Variants in NSF observed in about 807,000 individuals in gnomAD.
NSF encodes vesicle-fusing ATPase.
NSF carries 14 observed loss-of-function variants against 50.3 expected under a neutral mutation model. The observed-to-expected ratio is 0.28, with a 90% CI of 0.18 to 0.44. The LOEUF (loss-of-function observed/expected upper bound fraction) is 0.44, where lower values mean the gene tolerates loss of function less well. Ranked by LOEUF, NSF falls within the 20% of genes least tolerant of loss-of-function variation. NSF has a pLI of 1.00. For synonymous variants in NSF, 109 were observed against 175.7 expected, an observed-to-expected ratio of 0.62 and a Z score of 3.00; for missense variants, 218 against 504.3, an observed-to-expected ratio of 0.43 and a Z score of 5.44.
chr17:46,685,428 G>A (rs888902523), intron 9 of NSF, among the ~76,000 whole-genome samples: 5 of 151,782 alleles, frequency 3.3e-5, no homozygotes, highest in African/African-American at 1.2e-4. Context: ...ACATAATAAA[G>A]AAAAACATCA....
chr17:46,691,848 G>A lies in NSF; in HGVS notation c.946-1055G>A, dbSNP rs1000371301. ...GCTCACTGCAACCTCTGCCTCCTGGGTTCAGGTGATTTTCCTGCCTCAGCC... is the reference window on the plus strand; with the variant it reads ...GCTCACTGCAACCTCTGCCTCCTGGATTCAGGTGATTTTCCTGCCTCAGCC... On this transcript the variant is annotated intron_variant, in intron 9 of 20. Transcript: ENST00000398238. Among the ~76,000 whole-genome samples, 11 of 151,282 alleles carry A rather than the reference G, an allele frequency of 7.3e-5. No individual in the cohort carries two copies. The East Asian group carries it at 1.4e-3, about 19-fold the overall frequency.
In NSF at chr17:46,710,983, A is replaced by G; in HGVS notation, c.1491A>G (p.Glu497=). 2 of 1,593,556 alleles carry G rather than the reference A, an allele frequency of 1.3e-6. No homozygotes were observed. The highest frequency in any genetic ancestry group is 1.7e-6 in the Non-Finnish European group (2 of 1,174,488). ...DIKPAFGTNQ[E]DYASYIMNGI... is the part of the protein sequence containing the mutation. ...AATAGGCCTTTGGCACAAACCAAGA[A>G]GATTATGCAAGTTACATTATGAACG... is the stretch of plus-strand genomic sequence containing the variant. Residue 497 remains glutamate (E), a synonymous_variant, in exon 14 of 21, where the codon GAA becomes GAG. Transcript: ENST00000398238.
chr17:46,687,327 G>T (rs2058501990), intron 9 of NSF, among the ~76,000 whole-genome samples: 1 of 147,174 alleles, frequency 6.8e-6, no homozygotes, highest in South Asian at 2.2e-4. Context: ...TGTATATCTT[G>T]TTCTCTATTT....
intron 9 of NSF, among the ~76,000 whole-genome samples, chr17:46,691,914 A>G (rs1598686539): frequency 6.6e-6 from 1 of 151,212 alleles, no homozygotes; most frequent in African/African-American, 2.5e-5. Context: ...CACCACACCC[A>G]GCTAATTTTT....
intron 17 of NSF, among the ~76,000 whole-genome samples, chr17:46,729,579 T>C (rs1032383029): frequency 2.0e-5 from 3 of 152,134 alleles, no homozygotes; most frequent in African/African-American, 7.2e-5. Context: ...TGCCAGAGCA[T>C]GTTTGGCTGT....
chr17:46,665,719 T>C (rs2146193491), intron 8 of NSF, among the ~76,000 whole-genome samples: 1 of 35,504 alleles, frequency 2.8e-5, no homozygotes, highest in East Asian at 4.5e-4. Context: ...TTCAGTTATT[T>C]GTAGCACACA....
intron 1 of NSF, among the ~76,000 whole-genome samples, chr17:46,610,196 C>T (rs1329311644): frequency 1.0e-5 from 1 of 97,682 alleles, no homozygotes; most frequent in Non-Finnish European, 2.2e-5. Context: ...GAACTCCTGG[C>T]CTCAAATGAT....
intron 17 of NSF, among the ~76,000 whole-genome samples, chr17:46,732,097 A>G (rs1019568419): frequency 6.6e-6 from 1 of 152,250 alleles, no homozygotes; most frequent in African/African-American, 2.4e-5. Context: ...AGAAATGCAT[A>G]GAGTGATAGA....
At chr17:46,673,910 G>GT (rs1471807541) in intron 8 of NSF, among the ~76,000 whole-genome samples, 262 of 6,992 alleles carry the variant, frequency 0.037, 91 homozygotes, top group East Asian at 0.18. Flanking sequence ...ATTCCATGGG[G>GT]GTGTGTGTGT....
chr17:46,751,402 T>A (rs2059180583), intron 18 of NSF, 101 bp from the exon 19 acceptor site: 1 of 807,764 alleles, frequency 1.2e-6, no homozygotes, highest in Admixed American at 2.2e-5. Context: ...CTTGAACAGT[T>A]AGGTAGTTCT....
At chr17:46,733,260 C>T (rs576942221) in intron 17 of NSF, among the ~76,000 whole-genome samples, 4 of 152,152 alleles carry the variant, frequency 2.6e-5, no homozygotes, top group East Asian at 1.9e-4. Context: ...AAGGAGGAAG[C>T]GGTAGTGAGT....
chr17:46,755,713 C>G (rs1013978046), intron 20 of NSF, 89 bp from the exon 21 acceptor site: 1 of 1,330,698 alleles, frequency 7.5e-7, no homozygotes, highest in African/African-American at 1.5e-5. Context: ...CATTAAGAAG[C>G]TTTTAGTGAT....
chr17:46,726,497 T>G, intron 15 of NSF, 52 bp from the exon 16 acceptor site: 4 of 1,537,668 alleles, frequency 2.6e-6, no homozygotes, highest in Non-Finnish European at 3.6e-6. Context: ...TCTTGGAAAT[T>G]GTCGTAACTG....
chr17:46,739,692 A>G (rs915728416), intron 17 of NSF, among the ~76,000 whole-genome samples: 1 of 151,442 alleles, frequency 6.6e-6, no homozygotes, highest in African/African-American at 2.4e-5. Flanking sequence ...ATATATTACT[A>G]TATTAATATT....
At chr17:46,721,072 A>T (rs1242180825) in intron 15 of NSF, among the ~76,000 whole-genome samples, 1 of 152,182 alleles carries the variant, frequency 6.6e-6, no homozygotes, top group Non-Finnish European at 1.5e-5. Context: ...TGAGCACCAC[A>T]TTCAGACCTG....
intron 9 of NSF, among the ~76,000 whole-genome samples, chr17:46,679,775 T>C (rs2146210551): frequency 6.6e-6 from 1 of 151,994 alleles, no homozygotes; most frequent in African/African-American, 2.4e-5. Flanking sequence ...GCCCAAACTT[T>C]TCCAAAGCAT....
At chr17:46,710,637 A>G (rs1322066183) in intron 13 of NSF, among the ~76,000 whole-genome samples, 2 of 152,190 alleles carry the variant, frequency 1.3e-5, no homozygotes, top group Non-Finnish European at 2.9e-5. Flanking sequence ...TCTTAACAGA[A>G]CAGCCTCAAA....
chr17:46,732,208 A>T (rs1406416681), intron 17 of NSF, among the ~76,000 whole-genome samples: 1 of 152,200 alleles, frequency 6.6e-6, no homozygotes, highest in Non-Finnish European at 1.5e-5. Flanking sequence ...CAGTCACAGA[A>T]TCCTCAATTT....
intron 15 of NSF, among the ~76,000 whole-genome samples, chr17:46,717,841 A>G (rs1484882017): frequency 6.6e-6 from 1 of 152,188 alleles, no homozygotes; most frequent in African/African-American, 2.4e-5. Context: ...CAACTTTGAC[A>G]AGGTCCTGGA....
Sources: gnomAD v4.1 joint callset for allele counts (sites outside exome capture counted in the v4.1 genomes callset) on GRCh38, gnomAD v4.1.1 for gene constraint, MANE v1.5 for transcripts, NCBI Gene and HGNC (gene_info 2026-07-23, HGNC 2026-07-21) for gene names.